QKI: variants seen among roughly 807,000 people sequenced by gnomAD.
QKI encodes QKI, KH domain containing RNA binding.
Under a neutral mutation model 39.0 loss-of-function variants are expected in QKI, and 10 were observed. The observed-to-expected ratio is 0.26, with a 90% CI of 0.16 to 0.43. The LOEUF is 0.43. Ranked by LOEUF, QKI falls within the 20% of genes least tolerant of loss-of-function variation. QKI has a pLI of 1.00. For missense variants in QKI, 218 were observed against 428.0 expected (o/e 0.51, Z 4.33); for synonymous variants, 204 against 155.4 (o/e 1.31, Z -2.33).
chr6:163,512,222 A>G (rs1156957281), intron 3 of QKI, among the ~76,000 whole-genome samples: 1 of 152,060 alleles, frequency 6.6e-6, no homozygotes, highest in Non-Finnish European at 1.5e-5. Context: ...GAAAAGACAT[A>G]GTAATATACT....
chr6:163,438,115 A>C (rs538686097), intron 1 of QKI, among the ~76,000 whole-genome samples: 30 of 152,294 alleles, frequency 2.0e-4, no homozygotes, highest in African/African-American at 6.7e-4. Flanking sequence ...GTAGATCTAC[A>C]TGTGAGAAGT....
intron 3 of QKI, among the ~76,000 whole-genome samples, chr6:163,530,452 T>C (rs1216084742): frequency 2.0e-5 from 3 of 152,204 alleles, no homozygotes; most frequent in Non-Finnish European, 4.4e-5. Flanking sequence ...TTTTATTGAT[T>C]TCTCTATAAA....
chr6:163,423,862 A>G (rs1157327050), intron 1 of QKI, among the ~76,000 whole-genome samples: 1 of 152,224 alleles, frequency 6.6e-6, no homozygotes, highest in Non-Finnish European at 1.5e-5. Context: ...GGGTGATTTA[A>G]TAGAGAAGTA....
intron 3 of QKI, among the ~76,000 whole-genome samples, chr6:163,486,036 G>A (rs1295200687): frequency 6.6e-6 from 1 of 152,234 alleles, no homozygotes; most frequent in African/African-American, 2.4e-5. Flanking sequence ...ATGGACCGGG[G>A]GTTGGACAAG....
At chr6:163,457,394 C>T in intron 2 of QKI, 1 of 456,004 alleles carries the variant, frequency 2.2e-6, no homozygotes, top group South Asian at 1.5e-5. Flanking sequence ...TGACTTCTTG[C>T]CACGGTGAAC....
intron 3 of QKI, among the ~76,000 whole-genome samples, chr6:163,513,584 T>A (rs2179524): frequency 0.69 from 105,121 of 151,996 alleles, 37,414 homozygotes; most frequent in East Asian, 1. Context: ...TCAGTATCAG[T>A]TTTTAGTCAT....
chr6:163,563,288 G>A (rs1006193433), intron 5 of QKI, 132 bp from the exon 6 acceptor site: 11 of 788,068 alleles, frequency 1.4e-5, no homozygotes, highest in Admixed American at 6.0e-5. Flanking sequence ...TGTGATCAGC[G>A]CATGTACTAA....
At chr6:163,428,568 A>G (rs1383284998) in intron 1 of QKI, among the ~76,000 whole-genome samples, 2 of 152,212 alleles carry the variant, frequency 1.3e-5, no homozygotes, top group Non-Finnish European at 2.9e-5. Context: ...CACTTTTATT[A>G]TAGTTTATAG....
At chr6:163,444,739 T>C (rs1392195413) in intron 1 of QKI, among the ~76,000 whole-genome samples, 5 of 152,292 alleles carry the variant, frequency 3.3e-5, no homozygotes, top group African/African-American at 1.2e-4. Context: ...CAAATATGTA[T>C]AATTAAAATT....
chr6:163,428,412 G>GGCAGTTTATTTCT (rs1788571672), intron 1 of QKI, among the ~76,000 whole-genome samples: 7 of 152,000 alleles, frequency 4.6e-5, no homozygotes, highest in Non-Finnish European at 2.9e-5. Flanking sequence ...AAAGTCTTTA[G>GGCAGTTTATTTCT]GCAGTTTATT....
chr6:163,566,679 G>T (rs1259683058), intron 6 of QKI, 42 bp from the exon 7 acceptor site: 3 of 1,607,686 alleles, frequency 1.9e-6, no homozygotes, highest in African/African-American at 1.3e-5. Context: ...CCCCCCTTGT[G>T]AATGTTTTCT....
intron 1 of QKI, among the ~76,000 whole-genome samples, chr6:163,443,383 A>G (rs774103795): frequency 6.6e-6 from 1 of 152,242 alleles, no homozygotes; most frequent in African/African-American, 2.4e-5. Flanking sequence ...AGCCTGGCCA[A>G]GATGGTGAAA....
chr6:163,565,762 T>A lies in QKI; in HGVS notation c.935-959T>A, dbSNP rs895464576. 3 of 1,274,156 alleles carry A rather than the reference T, an allele frequency of 2.4e-6. No homozygotes were observed. The African/African-American group carries it at 4.5e-5, about 19-fold the overall frequency. 78.9% of individuals were successfully genotyped at this position (1,274,156 alleles called of 1,614,324 possible). A position where few individuals can be genotyped will look rare whatever the true frequency, so the allele number is the denominator to read the frequency against. On this transcript the variant is annotated intron_variant, in intron 6 of 7. Transcript: ENST00000361752. ...AAAATTATTTTAAATTTCTAAGTTA[T>A]AATAAATTTGCACACAGATAACATG...
At chr6:163,533,203 TAAC>T (rs1309086543) in intron 3 of QKI, among the ~76,000 whole-genome samples, 1 of 151,994 alleles carries the variant, frequency 6.6e-6, no homozygotes, top group Non-Finnish European at 1.5e-5. Context: ...TTCTTGAACA[TAAC>T]AATTGAAATC....
intron 4 of QKI, 31 bp downstream of exon 4, chr6:163,535,156 GGCCTC>G (rs1264459135): frequency 4.6e-5 from 70 of 1,522,986 alleles, no homozygotes; most frequent in Non-Finnish European, 5.9e-5. Context: ...CTTAGATTTG[GGCCTC>G]GTCCTTTTTT....
At chr6:163,460,126 G>A (rs1441114336) in intron 2 of QKI, among the ~76,000 whole-genome samples, 3 of 152,178 alleles carry the variant, frequency 2.0e-5, no homozygotes, top group African/African-American at 4.8e-5. Context: ...GATACTAGTC[G>A]TCCTGTTAAA....
intron 1 of QKI, among the ~76,000 whole-genome samples, chr6:163,440,873 T>TG (rs1296300196): frequency 7.8e-6 from 1 of 128,034 alleles, no homozygotes; most frequent in Non-Finnish European, 1.7e-5. Context: ...GTAAGACAGT[T>TG]TTTTTTTTTT....
chr6:163,499,649 T>C (rs1933861805), intron 3 of QKI, among the ~76,000 whole-genome samples: 1 of 152,226 alleles, frequency 6.6e-6, no homozygotes, highest in Non-Finnish European at 1.5e-5. Context: ...GTGTTGTCAA[T>C]CCTGTCCTCA....
chr6:163,493,381 G>A (rs899674298), intron 3 of QKI, among the ~76,000 whole-genome samples: 2 of 152,000 alleles, frequency 1.3e-5, no homozygotes, highest in Admixed American at 6.6e-5. Context: ...CCACCGCCTC[G>A]GCCTCCCAAA....
Sources: gnomAD v4.1 joint callset for allele counts (sites outside exome capture counted in the v4.1 genomes callset) on GRCh38, gnomAD v4.1.1 for gene constraint, MANE v1.5 for transcripts, NCBI Gene and HGNC (gene_info 2026-07-23, HGNC 2026-07-21) for gene names.